Variants in MINDY4 observed in about 807,000 individuals in gnomAD.
The protein encoded by MINDY4 is MINDY lysine 48 deubiquitinase 4, also known as probable ubiquitin carboxyl-terminal hydrolase MINDY-4.
In MINDY4, 68 loss-of-function variants were observed where a neutral mutation model predicts 87.0. The ratio of observed to expected loss-of-function variants is 0.78; its 90% CI spans 0.64 to 0.96. The LOEUF is 0.96. Ranked by LOEUF, MINDY4 falls within the 40% of genes least tolerant of loss-of-function variation. The probability of loss-of-function intolerance (pLI) is 0.00; values close to 1 mark genes in which losing one functional copy is unlikely to be tolerated. For synonymous variants in MINDY4, 379 were observed against 363.2 expected (o/e 1.04, Z -0.50); for missense variants, 919 against 928.2 (o/e 0.99, Z 0.13).
intron 13 of MINDY4, among the ~76,000 whole-genome samples, chr7:30,860,386 T>C (rs1789715757): frequency 6.6e-6 from 1 of 152,100 alleles, no homozygotes; most frequent in African/African-American, 2.4e-5. Flanking sequence ...TAAATGCGTG[T>C]GAGTACACAG....
chr7:30,845,499 T>C (rs1789180520), intron 9 of MINDY4, among the ~76,000 whole-genome samples: 1 of 150,436 alleles, frequency 6.6e-6, no homozygotes, highest in Admixed American at 6.6e-5. Context: ...AATTCTAGGA[T>C]TTCAGACATG....
chr7:30,821,344 A>G (rs1490922331), intron 5 of MINDY4, among the ~76,000 whole-genome samples: 3 of 152,108 alleles, frequency 2.0e-5, no homozygotes, highest in African/African-American at 7.2e-5. Context: ...AAATGTCTTC[A>G]TTTTGTTCTT....
chr7:30,872,363 G>A (rs555864573), intron 14 of MINDY4, 57 bp downstream of exon 14: 5 of 1,520,878 alleles, frequency 3.3e-6, no homozygotes, highest in Non-Finnish European at 2.7e-6. Flanking sequence ...CCCTCAGAGA[G>A]GGAGAGGTCC....
chr7:30,793,245 C>T (rs964269500), intron 5 of MINDY4, among the ~76,000 whole-genome samples: 10 of 151,060 alleles, frequency 6.6e-5, no homozygotes, highest in African/African-American at 2.2e-4. Flanking sequence ...AAGCCTATCT[C>T]TGATAAACAG....
intron 2 of MINDY4, chr7:30,780,872 C>T (rs1032272134): frequency 6.6e-6 from 1 of 152,232 alleles, no homozygotes; most frequent in African/African-American, 2.4e-5. Flanking sequence ...TTTCCCCTAA[C>T]TCTCTTTATT....
At chr7:30,795,618 A>G (rs1400200872) in intron 5 of MINDY4, among the ~76,000 whole-genome samples, 1 of 152,212 alleles carries the variant, frequency 6.6e-6, no homozygotes, top group Non-Finnish European at 1.5e-5. Context: ...CTGGTGTAGC[A>G]TTACCATAAG....
At chr7:30,799,108 T>A (rs778298549) in intron 5 of MINDY4, among the ~76,000 whole-genome samples, 1 of 152,086 alleles carries the variant, frequency 6.6e-6, no homozygotes, top group African/African-American at 2.4e-5. Flanking sequence ...CAGGTTGCAG[T>A]CTGCTGAGCA....
intron 5 of MINDY4, among the ~76,000 whole-genome samples, chr7:30,798,604 C>T (rs1041321244): frequency 1.3e-5 from 2 of 152,192 alleles, no homozygotes; most frequent in Non-Finnish European, 2.9e-5. Context: ...TCACGCCATT[C>T]TCCTGCCTCA....
At chr7:30,836,062 T>C (rs753120560) in intron 6 of MINDY4, among the ~76,000 whole-genome samples, 11 of 152,256 alleles carry the variant, frequency 7.2e-5, no homozygotes, top group Non-Finnish European at 1.2e-4. Flanking sequence ...TTAACTCCTC[T>C]AAGCCTCAGT....
At chr7:30,812,280 G>GC (rs1562539117) in intron 5 of MINDY4, among the ~76,000 whole-genome samples, 27 of 120,192 alleles carry the variant, frequency 2.2e-4, no homozygotes, top group Non-Finnish European at 3.0e-4. Flanking sequence ...GAGGGGGGGG[G>GC]GGTATGTATG....
chr7:30,858,700 C>T (rs189038200), intron 12 of MINDY4: 4 of 174,072 alleles, frequency 2.3e-5, no homozygotes, highest in African/African-American at 7.2e-5. Context: ...ACATGGCTGC[C>T]TCCTTCGCCT....
At chr7:30,871,455 G>A (rs1790104005) in intron 13 of MINDY4, among the ~76,000 whole-genome samples, 1 of 152,222 alleles carries the variant, frequency 6.6e-6, no homozygotes, top group South Asian at 2.1e-4. Flanking sequence ...AGCAAGCCGG[G>A]AAGGAGGATG....
chr7:30,802,955 C>T (rs1487277711), intron 5 of MINDY4: 1 of 152,172 alleles, frequency 6.6e-6, no homozygotes. Flanking sequence ...CCCACCCAAC[C>T]AACCAACCTA....
In MINDY4 at chr7:30,778,822, C is replaced by T. The variant is rs543444430; in HGVS notation, c.183+271C>T. On this transcript the variant is annotated intron_variant, in intron 2 of 17. Coordinates refer to ENST00000265299, the MANE Select transcript of MINDY4 (RefSeq NM_032222.3). ...GAGCCTGTGGCAGTGCTCAGCCTCC[C>T]GCAGTTATTCCCTGTGCTCCCTCCT... Among the ~76,000 whole-genome samples, 20 of 152,292 alleles carry T rather than the reference C, an allele frequency of 1.3e-4. No homozygotes were observed. The East Asian group carries it at 1.5e-3, about 12-fold the overall frequency.
At chr7:30,842,517 C>T (rs1789072838) in intron 9 of MINDY4, among the ~76,000 whole-genome samples, 1 of 152,200 alleles carries the variant, frequency 6.6e-6, no homozygotes, top group Non-Finnish European at 1.5e-5. Context: ...TACCCACCTT[C>T]CTTCCTTGCA....
chr7:30,853,351 G>C, intron 11 of MINDY4, 43 bp from the exon 12 acceptor site: 1 of 1,556,404 alleles, frequency 6.4e-7, no homozygotes, highest in Non-Finnish European at 8.8e-7. Flanking sequence ...GGGGCACTGC[G>C]TGGGGCTTGG....
At chr7:30,884,914 C>T (rs1183036032) in intron 17 of MINDY4, among the ~76,000 whole-genome samples, 1 of 152,156 alleles carries the variant, frequency 6.6e-6, no homozygotes, top group Non-Finnish European at 1.5e-5. Context: ...CTATTGGCTG[C>T]CTTCATCTCC....
intron 12 of MINDY4, 45 bp from the exon 13 acceptor site, chr7:30,859,212 G>A (rs1187793972): frequency 6.4e-7 from 1 of 1,567,902 alleles, no homozygotes; most frequent in South Asian, 1.1e-5. Flanking sequence ...CTGGGAAGAG[G>A]GAGGTGCAAA....
intron 9 of MINDY4, among the ~76,000 whole-genome samples, chr7:30,847,299 C>T (rs777905221): frequency 2.0e-5 from 3 of 152,124 alleles, no homozygotes; most frequent in Non-Finnish European, 2.9e-5. Flanking sequence ...AACTGGAAGC[C>T]AATGAAAAGA....
Sources: gnomAD v4.1 joint callset for allele counts (sites outside exome capture counted in the v4.1 genomes callset) on GRCh38, gnomAD v4.1.1 for gene constraint, MANE v1.5 for transcripts, NCBI Gene and HGNC (gene_info 2026-07-23, HGNC 2026-07-21) for gene names.